Variants in TMEM132B observed in about 807,000 individuals in gnomAD.
The protein encoded by TMEM132B is transmembrane protein 132B.
TMEM132B carries 18 observed loss-of-function variants against 90.8 expected under a neutral mutation model. The observed-to-expected ratio is 0.20, with a 90% CI of 0.14 to 0.29. The LOEUF is 0.29. Among genes scored for constraint, TMEM132B ranks in the 10% least tolerant of loss-of-function variants. The pLI is 1.00. For synonymous variants in TMEM132B, 504 were observed against 523.3 expected (o/e 0.96, Z 0.50); for missense variants, 1,096 against 1,326.8 (o/e 0.83, Z 2.70).
At chr12:125,505,183 A>AAC (rs1555254111) in intron 3 of TMEM132B, among the ~76,000 whole-genome samples, 25 of 143,614 alleles carry the variant, frequency 1.7e-4, no homozygotes, top group South Asian at 4.6e-4. Context: ...AAAAAAAAAA[A>AAC]AAAAAAAAAA....
chr12:125,228,592 A>G (rs1024979590), intron 1 of TMEM132B, among the ~76,000 whole-genome samples: 2 of 152,190 alleles, frequency 1.3e-5, no homozygotes, highest in African/African-American at 2.4e-5. Flanking sequence ...TGGTGGGCGG[A>G]GCTGGACCTG....
rs553034888 is a variant in TMEM132B, at chr12:125,458,087, C to T, written c.1106+42410C>T. ...ATGAGGCAAGGTGAGTAAGGTGTGA[C>T]GAGTGGGAGGAGAAGGCAGATTCCA... On this transcript the variant is annotated intron_variant, in intron 3 of 8. Coordinates refer to ENST00000682704, the MANE Select transcript of TMEM132B (RefSeq NM_001366854.1). This position sits in a 1 kb window ranked among gnomAD's most constrained non-coding sequence, Gnocchi z 4.9. 1.9e-4 allele frequency among the ~76,000 whole-genome samples: 29 copies of T among 151,994 alleles called. No individual in the cohort carries two copies. Among genetic ancestry groups the T allele is most frequent in the African/African-American group, 6.0e-4 (25 of 41,462 alleles).
At chr12:125,252,095 G>A (rs1350282064) in intron 1 of TMEM132B, among the ~76,000 whole-genome samples, 3 of 152,174 alleles carry the variant, frequency 2.0e-5, no homozygotes, top group Non-Finnish European at 2.9e-5. Flanking sequence ...ACTACCTAAC[G>A]TGATGGGATT....
chr12:125,485,071 G>C (rs991693898), intron 3 of TMEM132B, among the ~76,000 whole-genome samples: 13 of 152,130 alleles, frequency 8.5e-5, no homozygotes, highest in African/African-American at 3.1e-4. Context: ...GGGATGATGG[G>C]GTCCCTTATC....
At chr12:125,297,041 G>A (rs1875688446) in intron 1 of TMEM132B, among the ~76,000 whole-genome samples, 1 of 152,240 alleles carries the variant, frequency 6.6e-6, no homozygotes, top group Non-Finnish European at 1.5e-5. Flanking sequence ...TGGGAAGAAT[G>A]GTCTTGGTCT....
chr12:125,629,927 A>G (rs1254167599), intron 5 of TMEM132B, among the ~76,000 whole-genome samples: 3 of 152,146 alleles, frequency 2.0e-5, no homozygotes, highest in Non-Finnish European at 2.9e-5. Flanking sequence ...TTCTGTTGAC[A>G]TGATGTATCA....
At chr12:125,518,242 G>C (rs1270761274) in intron 3 of TMEM132B, among the ~76,000 whole-genome samples, 1 of 152,154 alleles carries the variant, frequency 6.6e-6, no homozygotes, top group African/African-American at 2.4e-5. Flanking sequence ...GTTCTTGTAG[G>C]AGCTCCAGTG....
At chr12:125,556,771 T>G (rs1484420837) in intron 4 of TMEM132B, among the ~76,000 whole-genome samples, 1 of 152,184 alleles carries the variant, frequency 6.6e-6, no homozygotes, top group African/African-American at 2.4e-5. Flanking sequence ...TTCCTTTTTT[T>G]TGAGACACAG....
At chr12:125,583,724 C>A (rs1885111739) in intron 4 of TMEM132B, 127 bp from the exon 5 acceptor site, 1 of 1,138,206 alleles carries the variant, frequency 8.8e-7, no homozygotes, top group East Asian at 2.4e-5. Flanking sequence ...TGGCTTTGTC[C>A]CTTCAGACAA....
At chr12:125,343,757 C>T (rs138473939) in intron 1 of TMEM132B, among the ~76,000 whole-genome samples, 11 of 152,234 alleles carry the variant, frequency 7.2e-5, no homozygotes, top group Middle Eastern at 3.4e-3. Flanking sequence ...TCCCTTTAAG[C>T]GATATTTTCT....
At chr12:125,400,846 G>A (rs1472819723) in intron 2 of TMEM132B, among the ~76,000 whole-genome samples, 1 of 152,200 alleles carries the variant, frequency 6.6e-6, no homozygotes, top group African/African-American at 2.4e-5. Flanking sequence ...TCTTTTGCAT[G>A]ACTCCGCTCG....
intron 4 of TMEM132B, among the ~76,000 whole-genome samples, chr12:125,538,739 C>T (rs1318778612): frequency 6.6e-6 from 1 of 152,114 alleles, no homozygotes; most frequent in African/African-American, 2.4e-5. Context: ...TTTGGTAATT[C>T]CAGGGTTCAG....
rs11058161 is a variant in TMEM132B, at chr12:125,408,966, G to A, written c.960-6565G>A. ...ACAAGGGGATACACCAGAGTGGATTGTTAATAATAATAGTGATAATGATAA... is the reference window on the plus strand; with the variant it reads ...ACAAGGGGATACACCAGAGTGGATTATTAATAATAATAGTGATAATGATAA... On this transcript the variant is annotated intron_variant, in intron 2 of 8. Coordinates refer to ENST00000682704, the MANE Select transcript of TMEM132B (RefSeq NM_001366854.1). This position sits in a 1 kb window ranked among gnomAD's most constrained non-coding sequence, Gnocchi z 5.9. Among the ~76,000 whole-genome samples the A allele has an allele frequency of 0.17, 25,780 of 152,092 alleles. 2,370 individuals carry two copies. Among genetic ancestry groups the A allele is most frequent in the South Asian group, 0.2 (988 of 4,820 alleles).
chr12:125,203,768 T>A (rs1873120321), intron 1 of TMEM132B, among the ~76,000 whole-genome samples: 1 of 152,236 alleles, frequency 6.6e-6, no homozygotes, highest in Non-Finnish European at 1.5e-5. Flanking sequence ...CTAGAATTTC[T>A]CATAGGTTGG....
chr12:125,241,148 T>A (rs1874055772), intron 1 of TMEM132B, among the ~76,000 whole-genome samples: 1 of 152,196 alleles, frequency 6.6e-6, no homozygotes, highest in Non-Finnish European at 1.5e-5. Flanking sequence ...CCAATTTTAT[T>A]GAACTCCAGA....
Position 125,330,333 on chromosome 12 carries a change from CTTTTTTT to C in TMEM132B, c.68-19107_68-19101del, listed in dbSNP as rs75180932. On this transcript the variant is annotated intron_variant, in intron 1 of 8. Coordinates refer to ENST00000682704, the MANE Select transcript of TMEM132B (RefSeq NM_001366854.1). ...TAGTCGTGCTTTGTTTAAGGGGTTT[CTTTTTTT>C]TTTTTTTTTTTGCAGCCATGAAGAT... 1.3e-4 allele frequency among the ~76,000 whole-genome samples: 16 copies of C among 124,470 alleles called. No homozygotes were observed. In the South Asian group the frequency reaches 1.3e-3, roughly 10 times the overall value. 81.7% of individuals were successfully genotyped at this position (124,470 alleles called of 152,430 possible).
At chr12:125,310,978 C>T (rs1307496635) in intron 1 of TMEM132B, among the ~76,000 whole-genome samples, 3 of 152,178 alleles carry the variant, frequency 2.0e-5, no homozygotes, top group African/African-American at 7.2e-5. Flanking sequence ...GCACCTGTTC[C>T]CGGAGCTTCC....
intron 2 of TMEM132B, among the ~76,000 whole-genome samples, chr12:125,351,525 G>C (rs1424940393): frequency 6.6e-6 from 1 of 152,100 alleles, no homozygotes; most frequent in Non-Finnish European, 1.5e-5. Flanking sequence ...GACAACATAA[G>C]TATATTAAAA....
intron 1 of TMEM132B, among the ~76,000 whole-genome samples, chr12:125,262,586 C>G (rs184987038): frequency 6.6e-6 from 1 of 152,182 alleles, no homozygotes; most frequent in South Asian, 2.1e-4. Flanking sequence ...CCCCTCTTGT[C>G]TACCCTACAT....
Sources: gnomAD v4.1 joint callset for allele counts (sites outside exome capture counted in the v4.1 genomes callset) on GRCh38, gnomAD v4.1.1 for gene constraint, Gnocchi (gnomAD v3.1) non-coding constraint, MANE v1.5 for transcripts, NCBI Gene and HGNC (gene_info 2026-07-23, HGNC 2026-07-21) for gene names.